MAP3K2: variants seen among roughly 807,000 people sequenced by gnomAD.
MAP3K2 encodes the protein MAP/ERK kinase kinase 2.
Under a neutral mutation model 80.3 loss-of-function variants are expected in MAP3K2, and 24 were observed. That is an observed-to-expected ratio of 0.30 (90% CI 0.22 to 0.42). The LOEUF (loss-of-function observed/expected upper bound fraction) is 0.42. MAP3K2 is among the 10% of genes least tolerant of loss of function. MAP3K2 has a pLI of 1.00. For synonymous variants in MAP3K2, 244 were observed against 253.7 expected (o/e 0.96, Z 0.36); for missense variants, 608 against 750.1 (o/e 0.81, Z 2.21).
chr2:127,311,831 C>T (rs1685812774), intron 15 of MAP3K2, among the ~76,000 whole-genome samples: 1 of 152,150 alleles, frequency 6.6e-6, no homozygotes, highest in Admixed American at 6.5e-5. Context: ...GAAGTCCATA[C>T]ATTGGGAGTC....
chr2:127,377,969 G>C (rs1377524902), intron 1 of MAP3K2, among the ~76,000 whole-genome samples: 2 of 151,998 alleles, frequency 1.3e-5, no homozygotes, highest in East Asian at 1.9e-4. Flanking sequence ...GGACAACATA[G>C]AGAGACCTTG....
In MAP3K2 at chr2:127,301,180, A is replaced by G. The variant is rs1324042153; in HGVS notation, c.*6399T>C. 1 of 152,238 alleles carries G rather than the reference A, an allele frequency of 6.6e-6. No individual in the cohort carries two copies. Among genetic ancestry groups the G allele is most frequent in the Non-Finnish European group, 1.5e-5 (1 of 68,040 alleles). 9.4% of individuals were successfully genotyped at this position (152,238 alleles called of 1,614,324 possible). Reference sequence around the variant, plus strand: ...CCAAAATGTCTATGGCACAAAGCAGACATCAGTCCAGAACCTACTTTTCCT... The same window carrying G: ...CCAAAATGTCTATGGCACAAAGCAGGCATCAGTCCAGAACCTACTTTTCCT... On this transcript the variant is annotated 3_prime_UTR_variant, in exon 17 of 17. Transcript: ENST00000682094.
At chr2:127,308,298 C>T (rs2104803446) in intron 16 of MAP3K2, among the ~76,000 whole-genome samples, 1 of 152,252 alleles carries the variant, frequency 6.6e-6, no homozygotes, top group South Asian at 2.1e-4. Flanking sequence ...TTTAGACAAA[C>T]AAAGTAACTA....
intron 1 of MAP3K2, among the ~76,000 whole-genome samples, chr2:127,344,953 T>C (rs982177370): frequency 1.3e-5 from 2 of 152,140 alleles, no homozygotes; most frequent in African/African-American, 2.4e-5. Context: ...AGCCTTGATC[T>C]GCCAGGCTCA....
At position 127,346,409 on chromosome 2, in the gene MAP3K2, TTAAAA is replaced by T. The variant is rs1273244838; in HGVS notation, c.-65-3220_-65-3216del. Among the ~76,000 whole-genome samples, 31 of 85,360 alleles carry T rather than the reference TTAAAA, an allele frequency of 3.6e-4. 2 individuals carry two copies. The highest frequency in any genetic ancestry group is 3.2e-3 in the South Asian group (7 of 2,172). 56.0% of individuals were successfully genotyped at this position (85,360 alleles called of 152,430 possible). ...TTTACAGAATTTACAAAAACTGGTT[TTAAAA>T]AAAAAAAAAAAAAAAAAAGAAGGAA... is the stretch of plus-strand genomic sequence containing the variant. On this transcript the variant is annotated intron_variant, in intron 1 of 16. Transcript: ENST00000682094.
chr2:127,380,589 G>A (rs543011992), intron 1 of MAP3K2, among the ~76,000 whole-genome samples: 44 of 152,090 alleles, frequency 2.9e-4, no homozygotes, highest in Non-Finnish European at 5.9e-4. Context: ...TAGTTGGGAA[G>A]GCAAGGTATA....
intron 1 of MAP3K2, among the ~76,000 whole-genome samples, chr2:127,360,649 T>C (rs1686869633): frequency 6.6e-6 from 1 of 152,218 alleles, no homozygotes; most frequent in Admixed American, 6.5e-5. Context: ...GCAACTCTGA[T>C]CATTGATTTT....
chr2:127,377,402 A>T (rs971843982), intron 1 of MAP3K2, among the ~76,000 whole-genome samples: 4 of 140,304 alleles, frequency 2.9e-5, no homozygotes, highest in African/African-American at 7.6e-5. Context: ...TTTTTTTTTT[A>T]AACTACATTG....
intron 1 of MAP3K2, among the ~76,000 whole-genome samples, chr2:127,382,949 T>C (rs1214614428): frequency 6.6e-6 from 1 of 152,236 alleles, no homozygotes; most frequent in Non-Finnish European, 1.5e-5. Flanking sequence ...AAGAGAGGTT[T>C]AATTGGCTCA....
chr2:127,328,226 G>C (rs938523131), intron 7 of MAP3K2, among the ~76,000 whole-genome samples: 5 of 152,234 alleles, frequency 3.3e-5, no homozygotes, highest in Non-Finnish European at 7.3e-5. Flanking sequence ...AGTTAGCTGA[G>C]ACCGCGCCAC....
At chr2:127,357,867 A>G (rs1574000453) in intron 1 of MAP3K2, among the ~76,000 whole-genome samples, 1 of 152,216 alleles carries the variant, frequency 6.6e-6, no homozygotes, top group South Asian at 2.1e-4. Context: ...AAACTTGTAG[A>G]AAAAAATTAT....
At chr2:127,378,382 A>G (rs1687185089) in intron 1 of MAP3K2, among the ~76,000 whole-genome samples, 1 of 152,238 alleles carries the variant, frequency 6.6e-6, no homozygotes, top group Non-Finnish European at 1.5e-5. Context: ...GGCAAATTAA[A>G]CAACACTCTC....
chr2:127,343,600 GT>G (rs1448141756), intron 1 of MAP3K2, among the ~76,000 whole-genome samples: 10 of 151,882 alleles, frequency 6.6e-5, no homozygotes, highest in African/African-American at 2.4e-4. Flanking sequence ...TAATATGTTG[GT>G]TTAAAAAAAA....
At chr2:127,346,410 T>TAAAAAAAAAAA (rs70985447) in intron 1 of MAP3K2, among the ~76,000 whole-genome samples, 24 of 96,332 alleles carry the variant, frequency 2.5e-4, no homozygotes, top group South Asian at 1.1e-3. Flanking sequence ...AAACTGGTTT[T>TAAAAAAAAAAA]AAAAAAAAAA....
At chr2:127,329,222 T>A (rs1014331139) in intron 7 of MAP3K2, among the ~76,000 whole-genome samples, 2 of 152,064 alleles carry the variant, frequency 1.3e-5, no homozygotes, top group Admixed American at 6.6e-5. Flanking sequence ...AATATAAAAA[T>A]TCTTAGTATC....
intron 1 of MAP3K2, among the ~76,000 whole-genome samples, chr2:127,377,967 TAGAG>T (rs558665502): frequency 6.6e-6 from 1 of 152,050 alleles, no homozygotes. Context: ...CTGGACAACA[TAGAG>T]AGACCTTGTC....
At chr2:127,372,568 T>C (rs1322796289) in intron 1 of MAP3K2, among the ~76,000 whole-genome samples, 2 of 152,138 alleles carry the variant, frequency 1.3e-5, no homozygotes, top group Non-Finnish European at 2.9e-5. Context: ...CCCTAACCTG[T>C]TGCGATTCAG....
chr2:127,338,877 G>A, intron 3 of MAP3K2, 55 bp downstream of exon 3: 2 of 1,175,046 alleles, frequency 1.7e-6, no homozygotes, highest in South Asian at 1.4e-5. Context: ...TCCTCCATAA[G>A]ATTAGGATAT....
intron 1 of MAP3K2, among the ~76,000 whole-genome samples, chr2:127,350,979 C>T (rs906441492): frequency 6.6e-6 from 1 of 152,058 alleles, no homozygotes; most frequent in Admixed American, 6.5e-5. Context: ...AATTGATAAC[C>T]TGAATTGATT....
Sources: gnomAD v4.1 joint callset for allele counts (sites outside exome capture counted in the v4.1 genomes callset) on GRCh38, gnomAD v4.1.1 for gene constraint, MANE v1.5 for transcripts, NCBI Gene and HGNC (gene_info 2026-07-23, HGNC 2026-07-21) for gene names.